The following ATXN7 variants were observed in gnomAD, a reference collection of about 807,000 sequenced individuals.
ATXN7 encodes ataxin 7.
A neutral mutation model predicts 70.5 loss-of-function variants in ATXN7; 12 were observed. That is an observed-to-expected ratio of 0.17 (90% confidence interval 0.11 to 0.28). The LOEUF is 0.28. Among genes scored for constraint, ATXN7 ranks in the 10% least tolerant of loss-of-function variants. The probability of loss-of-function intolerance (pLI) is 1.00; values close to 1 mark genes in which losing one functional copy is unlikely to be tolerated. For missense variants in ATXN7, 1,256 were observed against 1,131.7 expected (o/e 1.11, Z -1.58); for synonymous variants, 498 against 448.7 (o/e 1.11, Z -1.39).
chr3:63,965,278 C>T (rs1437381419), intron 5 of ATXN7, among the ~76,000 whole-genome samples: 1 of 152,122 alleles, frequency 6.6e-6, no homozygotes, highest in Admixed American at 6.5e-5. Context: ...ACTCCTCACC[C>T]CAGGCTTGTG....
intron 4 of ATXN7, among the ~76,000 whole-genome samples, chr3:63,921,513 G>A (rs1409238277): frequency 6.6e-6 from 1 of 152,166 alleles, no homozygotes. Flanking sequence ...TGTGGTCTTC[G>A]CAGAGAAGAG....
intron 5 of ATXN7, among the ~76,000 whole-genome samples, chr3:63,953,233 A>G (rs918265093): frequency 2.0e-5 from 3 of 152,172 alleles, no homozygotes; most frequent in Admixed American, 6.5e-5. Context: ...TCTTCTATAG[A>G]TAGAGTGTTT....
rs778682428 is a variant in ATXN7 at position 63,952,492 on chromosome 3, T to C, written c.499+9T>C. The stretch of plus-strand genomic sequence containing the variant: ...ATTTCAATCACATTATGGTAAGTGC[T>C]TAACCATTTAAAAAATTGTTAATAG... On this transcript the variant is annotated intron_variant, in intron 5 of 12. Coordinates refer to ENST00000674280, the MANE Select transcript of ATXN7 (RefSeq NM_001377405.1). 4.5e-6 allele frequency: 7 copies of C among 1,571,742 alleles called. No homozygotes were observed. The East Asian group carries it at 1.6e-4, about 36-fold the overall frequency.
intron 4 of ATXN7, among the ~76,000 whole-genome samples, chr3:63,943,916 G>A (rs1410195559): frequency 6.6e-6 from 1 of 152,124 alleles, no homozygotes; most frequent in Non-Finnish European, 1.5e-5. Context: ...TCCTTACCTA[G>A]GTCAATACAC....
intron 1 of ATXN7, among the ~76,000 whole-genome samples, chr3:63,866,631 A>T (rs1702439220): frequency 6.6e-6 from 1 of 152,220 alleles, no homozygotes. Flanking sequence ...TTTGTCAGCT[A>T]CATGATTTTA....
Position 64,000,981 on chromosome 3 carries a change from A to G in ATXN7, c.*1514A>G, listed in dbSNP as rs1326496149. 1 of 152,056 alleles carries G rather than the reference A, an allele frequency of 6.6e-6. No individual in the cohort carries two copies. Among genetic ancestry groups the G allele is most frequent in the Non-Finnish European group, 1.5e-5 (1 of 68,024 alleles). 9.4% of individuals were successfully genotyped at this position (152,056 alleles called of 1,614,324 possible). A position where few individuals can be genotyped will look rare whatever the true frequency, so the allele number is the denominator to read the frequency against. ...CACACGAAGTTGCCGAACACAGGGT[A>G]AAATTTCCAAGGCGCTGATCGTTGC... On this transcript the variant is annotated 3_prime_UTR_variant, in exon 13 of 13. Coordinates refer to ENST00000674280, the MANE Select transcript of ATXN7 (RefSeq NM_001377405.1).
intron 11 of ATXN7, among the ~76,000 whole-genome samples, chr3:63,991,302 T>G (rs1270685340): frequency 8.5e-6 from 1 of 117,734 alleles, no homozygotes; most frequent in African/African-American, 3.3e-5. Context: ...ACCCCTGGTT[T>G]TTTTTTTGTT....
At chr3:63,969,797 A>G (rs1004911660) in intron 5 of ATXN7, among the ~76,000 whole-genome samples, 5 of 152,320 alleles carry the variant, frequency 3.3e-5, no homozygotes, top group African/African-American at 4.8e-5. Flanking sequence ...CTAAAATTCT[A>G]AAGTGTTCTT....
At chr3:63,939,647 G>A (rs1466636086) in intron 4 of ATXN7, among the ~76,000 whole-genome samples, 1 of 152,172 alleles carries the variant, frequency 6.6e-6, no homozygotes, top group African/African-American at 2.4e-5. Context: ...AAATTCAGAT[G>A]AGCATATATT....
At chr3:63,942,236 G>T (rs529993658) in intron 4 of ATXN7, among the ~76,000 whole-genome samples, 4 of 152,294 alleles carry the variant, frequency 2.6e-5, no homozygotes, top group African/African-American at 9.6e-5. Context: ...CTAATAAGAT[G>T]GTAAAGAGCA....
chr3:63,873,276 TAAAG>T, intron 1 of ATXN7, among the ~76,000 whole-genome samples: 1 of 152,260 alleles, frequency 6.6e-6, no homozygotes, highest in Non-Finnish European at 1.5e-5. Context: ...ACTTTAAACA[TAAAG>T]AGATTACTGG....
At chr3:63,983,618 G>GA (rs55756729) in intron 8 of ATXN7, among the ~76,000 whole-genome samples, 485 of 147,172 alleles carry the variant, frequency 3.3e-3, no homozygotes, top group East Asian at 0.018. Context: ...TCTTTTAAGA[G>GA]AAAAAAAAAA....
Position 63,912,520 on chromosome 3 carries a change from C to T in ATXN7, c.-11-68C>T, listed in dbSNP as rs1169755724. The T allele has an allele frequency of 1.8e-5, 18 of 1,005,114 alleles. No homozygotes were observed. In the East Asian group the frequency reaches 8.5e-4, roughly 48 times the overall value. 62.3% of individuals were successfully genotyped at this position (1,005,114 alleles called of 1,614,324 possible). A position where few individuals can be genotyped will look rare whatever the true frequency, so the allele number is the denominator to read the frequency against. On this transcript the variant is annotated intron_variant, in intron 2 of 12. Coordinates refer to ENST00000674280, the MANE Select transcript of ATXN7 (RefSeq NM_001377405.1). ...CCGCGGGCCGCGCACGCCGCCGGAA[C>T]TCCCTGGCGCCTCCTTAAAAAACGG... is the stretch of plus-strand genomic sequence containing the variant.
chr3:63,990,439 G>C, intron 10 of ATXN7, 65 bp downstream of exon 10: 1 of 1,575,698 alleles, frequency 6.3e-7, no homozygotes, highest in Non-Finnish European at 8.7e-7. Flanking sequence ...ACTGCAGGGG[G>C]GCGCGCCAGG....
At chr3:63,920,142 C>T (rs543304935) in intron 4 of ATXN7, among the ~76,000 whole-genome samples, 114 of 152,164 alleles carry the variant, frequency 7.5e-4, no homozygotes, top group African/African-American at 2.7e-3. Flanking sequence ...GAAAGTAACA[C>T]CTGGCACAAT....
At chr3:63,945,136 C>T (rs2074838562) in intron 4 of ATXN7, among the ~76,000 whole-genome samples, 1 of 152,178 alleles carries the variant, frequency 6.6e-6, no homozygotes. Context: ...TGATTACTAT[C>T]AGTAGTACTA....
upstream of ATXN7, chr3:63,863,767 C>T: frequency 8.0e-7 from 1 of 1,252,184 alleles, no homozygotes; most frequent in Non-Finnish European, 9.9e-7. Context: ...CGAGCGGGGC[C>T]TCACCGTCAG....
At chr3:63,880,229 C>G (rs1285950973) in intron 1 of ATXN7, among the ~76,000 whole-genome samples, 1 of 152,042 alleles carries the variant, frequency 6.6e-6, no homozygotes, top group African/African-American at 2.4e-5. Flanking sequence ...TCCACACTTA[C>G]CTATAATAAT....
rs1491464922 is a variant in ATXN7, at chr3:63,892,411, C to CT, written c.-110-5988_-110-5987insT. ...ACACACACACACACACACACACACA[C>CT]CCGCCAACTCCTGTCAACAGGAGTA... On this transcript the variant is annotated intron_variant, in intron 1 of 12. Coordinates refer to ENST00000674280, the MANE Select transcript of ATXN7 (RefSeq NM_001377405.1). Among the ~76,000 whole-genome samples, 3 of 145,606 alleles carry CT rather than the reference C, an allele frequency of 2.1e-5. No individual in the cohort carries two copies. In the Admixed American group the frequency reaches 2.1e-4, roughly 10 times the overall value.
Sources: allele counts gnomAD v4.1 joint callset (sites outside exome capture counted in the v4.1 genomes callset), GRCh38; gene constraint gnomAD v4.1.1; transcripts MANE v1.5; gene names NCBI Gene and HGNC (gene_info 2026-07-23, HGNC 2026-07-21).